Variants in SLC22A3 observed in about 807,000 individuals in gnomAD.
SLC22A3 encodes the protein EMT organic cation transporter 3.
SLC22A3 carries 51 observed loss-of-function variants against 59.1 expected under a neutral mutation model. The ratio of observed to expected loss-of-function variants is 0.86; its 90% CI spans 0.69 to 1.09. The LOEUF (loss-of-function observed/expected upper bound fraction) is 1.09. Among genes scored for constraint, SLC22A3 ranks in the 50% least tolerant of loss-of-function variants. The pLI is 0.00. For missense variants in SLC22A3, 711 were observed against 726.3 expected (o/e 0.98, Z 0.24); for synonymous variants, 325 against 292.0 (o/e 1.11, Z -1.15).
At chr6:160,409,717 G>C (rs1435436506) in intron 4 of SLC22A3, among the ~76,000 whole-genome samples, 1 of 152,148 alleles carries the variant, frequency 6.6e-6, no homozygotes, top group Non-Finnish European at 1.5e-5. Flanking sequence ...GAGAGTATTT[G>C]TTGATGATTT....
chr6:160,406,898 C>T (rs1787035915), intron 2 of SLC22A3, 143 bp from the exon 3 acceptor site: 1 of 976,330 alleles, frequency 1.0e-6, no homozygotes, highest in African/African-American at 1.7e-5. Flanking sequence ...TAGGGACACC[C>T]TGTCTCTACA....
chr6:160,447,880 A>G (rs1324936395), intron 10 of SLC22A3, 62 bp downstream of exon 10: 1 of 1,227,292 alleles, frequency 8.1e-7, no homozygotes, highest in Non-Finnish European at 1.2e-6. Context: ...GGGGGAAAGA[A>G]TGACATTGAG....
rs538289113 is a variant in SLC22A3, at chr6:160,393,280, T to TTTTA, written c.430-4684_430-4681dup. Among the ~76,000 whole-genome samples the TTTTA allele has an allele frequency of 2.7e-3, 403 of 151,432 alleles. 1 individual carries two copies. Among genetic ancestry groups the TTTTA allele is most frequent in the African/African-American group, 9.0e-3 (374 of 41,398 alleles). ...CTGAGTTTATTTATTTATTTATTTA[T>TTTTA]TTTATTTATTTATTTATTATTATTA... On this transcript the variant is annotated intron_variant, in intron 1 of 10. Coordinates refer to ENST00000275300, the MANE Select transcript of SLC22A3 (RefSeq NM_021977.4).
chr6:160,397,300 C>T (rs985580688), intron 1 of SLC22A3, among the ~76,000 whole-genome samples: 13 of 152,084 alleles, frequency 8.5e-5, no homozygotes, highest in African/African-American at 3.1e-4. Context: ...GCTGAGCTGA[C>T]AGGAGGCAGA....
intron 1 of SLC22A3, among the ~76,000 whole-genome samples, chr6:160,377,057 T>C (rs1785622251): frequency 6.6e-6 from 1 of 152,162 alleles, no homozygotes; most frequent in African/African-American, 2.4e-5. Flanking sequence ...TGCTAAAGAA[T>C]TTGGGAAAGA....
chr6:160,429,561 T>G lies in SLC22A3; in HGVS notation c.976-7219T>G, dbSNP rs937084883. Reference sequence around the variant, plus strand: ...TGAGCCGATGAGGTGGGATTGCTGTTCCTTGACTCTTAGTGCTTCTCATGC... The same window carrying G: ...TGAGCCGATGAGGTGGGATTGCTGTGCCTTGACTCTTAGTGCTTCTCATGC... On this transcript the variant is annotated intron_variant, in intron 5 of 10. Transcript: ENST00000275300. Among the ~76,000 whole-genome samples, 12 of 152,156 alleles carry G rather than the reference T, an allele frequency of 7.9e-5. No individual in the cohort carries two copies. In the East Asian group the frequency reaches 2.3e-3, roughly 29 times the overall value.
intron 5 of SLC22A3, among the ~76,000 whole-genome samples, chr6:160,432,266 A>G (rs1345948311): frequency 2.0e-5 from 3 of 152,148 alleles, no homozygotes; most frequent in Non-Finnish European, 2.9e-5. Context: ...TACAACTAGA[A>G]GGAGACTCAG....
chr6:160,348,505 G>C lies in SLC22A3; in HGVS notation c.86G>C (p.Gly29Ala), dbSNP rs776488010. ...GTGTTTTTGCTGCTGTGCCTGACGG[G>C]CGTCACCTTCGCCTTCCTCTTCGTC... is the stretch of plus-strand genomic sequence containing the variant. Reference protein sequence around the residue: ...RRVFLLLCLTGVTFAFLFVGV... With the variant: ...RRVFLLLCLTAVTFAFLFVGV... The change falls in exon 1 of 11, where the codon GGC becomes GCC. Residue 29 changes from glycine (G) to alanine (A), a missense_variant. Gly to Ala is a moderately conservative substitution (Grantham distance 60). Coordinates refer to ENST00000275300, the MANE Select transcript of SLC22A3 (RefSeq NM_021977.4). The C allele has an allele frequency of 2.6e-6, 4 of 1,564,568 alleles. No individual in the cohort carries two copies. Among genetic ancestry groups the C allele is most frequent in the Non-Finnish European group, 3.4e-6 (4 of 1,162,464 alleles).
chr6:160,431,295 A>G (rs1263464405), intron 5 of SLC22A3, among the ~76,000 whole-genome samples: 2 of 152,210 alleles, frequency 1.3e-5, no homozygotes, highest in African/African-American at 2.4e-5. Flanking sequence ...GGCGGCCGCC[A>G]CGGCGCAGGA....
chr6:160,389,258 T>C (rs1234885514), intron 1 of SLC22A3, among the ~76,000 whole-genome samples: 1 of 152,170 alleles, frequency 6.6e-6, no homozygotes, highest in Non-Finnish European at 1.5e-5. Context: ...TGTCTTGTAT[T>C]TAATATCAGT....
rs903025889 is a variant in SLC22A3, at chr6:160,424,099, G to T, written c.976-12681G>T. Among the ~76,000 whole-genome samples the T allele has an allele frequency of 5.9e-5, 9 of 152,098 alleles. 1 individual carries two copies. The highest frequency in any genetic ancestry group is 1.2e-4 in the Non-Finnish European group (8 of 68,034). ...CAGACAGGGAATCCTGGATGTTCTTGTTAACACATTCTTGTCTCCTAGCCG... is the reference window on the plus strand; with the variant it reads ...CAGACAGGGAATCCTGGATGTTCTTTTTAACACATTCTTGTCTCCTAGCCG... On this transcript the variant is annotated intron_variant, in intron 5 of 10. Coordinates refer to ENST00000275300, the MANE Select transcript of SLC22A3 (RefSeq NM_021977.4).
chr6:160,368,048 G>A lies in SLC22A3; in HGVS notation c.429+19200G>A, dbSNP rs571464723. 7.2e-5 allele frequency among the ~76,000 whole-genome samples: 11 copies of A among 152,062 alleles called. No individual in the cohort carries two copies. In the South Asian group the frequency reaches 1.9e-3, roughly 26 times the overall value. On this transcript the variant is annotated intron_variant, in intron 1 of 10. Coordinates refer to ENST00000275300, the MANE Select transcript of SLC22A3 (RefSeq NM_021977.4). ...TGCTGCTCTGTCCTCTCTAGTTCCC[G>A]GTGTCCTGATATTGCCTGATAGTCA... is the stretch of plus-strand genomic sequence containing the variant.
At chr6:160,387,869 G>T (rs7740824) in intron 1 of SLC22A3, among the ~76,000 whole-genome samples, 31,432 of 152,126 alleles carry the variant, frequency 0.21, 4,144 homozygotes, top group East Asian at 0.33. Context: ...CTATTACCTG[G>T]ATTATAATCT....
chr6:160,353,033 C>T (rs928801926), intron 1 of SLC22A3, among the ~76,000 whole-genome samples: 4 of 152,190 alleles, frequency 2.6e-5, no homozygotes, highest in African/African-American at 7.2e-5. Flanking sequence ...ATTGGCCAGG[C>T]TGACCTCAGG....
At chr6:160,378,040 A>G (rs368564212) in intron 1 of SLC22A3, among the ~76,000 whole-genome samples, 2 of 152,178 alleles carry the variant, frequency 1.3e-5, no homozygotes, top group Non-Finnish European at 2.9e-5. Flanking sequence ...CACTCCTTCA[A>G]CATTCACAGA....
intron 2 of SLC22A3, among the ~76,000 whole-genome samples, chr6:160,406,317 T>A (rs564170795): frequency 6.6e-6 from 1 of 152,342 alleles, no homozygotes; most frequent in South Asian, 2.1e-4. Flanking sequence ...AATCTCTTAA[T>A]GGACATTGAT....
chr6:160,387,204 T>C (rs1026536102), intron 1 of SLC22A3, among the ~76,000 whole-genome samples: 3 of 152,216 alleles, frequency 2.0e-5, no homozygotes, highest in African/African-American at 4.8e-5. Flanking sequence ...GGAAGATGCA[T>C]AAACAGGCCC....
At chr6:160,411,053 A>G (rs898605726) in intron 5 of SLC22A3, among the ~76,000 whole-genome samples, 1 of 152,106 alleles carries the variant, frequency 6.6e-6, no homozygotes, top group Non-Finnish European at 1.5e-5. Context: ...ACTGAAAAAA[A>G]TCTAGGGAAA....
At chr6:160,377,161 T>G (rs1785625914) in intron 1 of SLC22A3, among the ~76,000 whole-genome samples, 1 of 152,184 alleles carries the variant, frequency 6.6e-6, no homozygotes, top group Non-Finnish European at 1.5e-5. Context: ...CTGCAGCCTT[T>G]GTCAAATAAT....
Sources: allele counts gnomAD v4.1 joint callset (sites outside exome capture counted in the v4.1 genomes callset), GRCh38; gene constraint gnomAD v4.1.1; transcripts MANE v1.5; gene names NCBI Gene and HGNC (gene_info 2026-07-23, HGNC 2026-07-21).